The following SARM1 variants were observed in gnomAD, a reference collection of about 807,000 sequenced individuals.
SARM1 encodes the protein NAD(+) hydrolase SARM1.
Under a neutral mutation model 65.1 loss-of-function variants are expected in SARM1, and 60 were observed. The observed-to-expected ratio is 0.92, with a 90% CI of 0.75 to 1.14. SARM1 has a LOEUF of 1.14. Ranked by LOEUF, SARM1 falls within the 50% of genes most tolerant of loss-of-function variation. SARM1 has a pLI of 0.00. For synonymous variants in SARM1, 417 were observed against 465.4 expected, an observed-to-expected ratio of 0.90 and a Z score of 1.34; for missense variants, 913 against 1,015.7, an observed-to-expected ratio of 0.90 and a Z score of 1.37.
Position 28,384,467 on chromosome 17 carries a change from G to A in SARM1, c.1200G>A (p.Glu400=). 1 of 1,613,640 alleles carries A rather than the reference G, an allele frequency of 6.2e-7. No homozygotes were observed. Among genetic ancestry groups the A allele is most frequent in the Non-Finnish European group, 8.5e-7 (1 of 1,179,704 alleles). The part of the protein sequence containing the change: ...AKRALRLLGE[E]VPRPILPSVP... ...GCGCGCTGCGCCTGCTGGGCGAGGA[G>A]GTGCCACGGCCCATCCTGCCCTCCG... The change falls in exon 3 of 9, where the codon GAG becomes GAA. Residue 400 remains glutamate (E), a synonymous_variant. Transcript: ENST00000585482. The surrounding 1 kb of genome is among the most constrained non-coding windows in gnomAD (Gnocchi z 4.4).
chr17:28,381,875 G>T lies in SARM1; in HGVS notation c.1089+54G>T. The T allele has an allele frequency of 2.2e-6, 3 of 1,385,348 alleles. No individual in the cohort carries two copies. The South Asian group carries it at 5.2e-5, about 24-fold the overall frequency. 85.8% of individuals were successfully genotyped at this position (1,385,348 alleles called of 1,614,324 possible). On this transcript the variant is annotated intron_variant, in intron 2 of 8. Transcript: ENST00000585482. ...CAGGGGTTAGAGAGCCTTTGGGAAG[G>T]TTTCCCAGAGGAAGTCACATTCAAC...
At chr17:28,390,717 G>A (rs1414617963) in intron 7 of SARM1, among the ~76,000 whole-genome samples, 1 of 152,120 alleles carries the variant, frequency 6.6e-6, no homozygotes, top group Non-Finnish European at 1.5e-5. Flanking sequence ...TCAAAGGACT[G>A]GAATAATCAG....
Position 28,381,689 on chromosome 17 carries a change from C to T in SARM1, c.957C>T (p.Ser319=), listed in dbSNP as rs560006423. Residue 319 remains serine (S), a synonymous_variant, in exon 2 of 9, where the codon AGC becomes AGT. Transcript: ENST00000585482. ...ARCLVDASDT[S]QGRGPDDLQR... is the part of the protein sequence containing the mutation. ...GTCTGGTGGACGCCAGCGACACAAG[C>T]CAGGGCCGCGGGCCCGACGACCTGC... 4 of 1,561,868 alleles carry T rather than the reference C, an allele frequency of 2.6e-6. No homozygotes were observed. The highest frequency in any genetic ancestry group is 3.8e-5 in the Admixed American group (2 of 52,992).
At position 28,388,246 on chromosome 17, in the gene SARM1, ACCG is replaced by A; in HGVS notation, c.1707_1709del (p.Arg570del). On this transcript the variant is annotated inframe_deletion, in exon 6 of 9. Transcript: ENST00000585482. The stretch of plus-strand genomic sequence containing the variant: ...GACACTCCAGATGTCTTCATCAGCT[ACCG>A]CCGGAACTCAGGTTCCCAGCTGGCC... The A allele has an allele frequency of 6.4e-7, 1 of 1,552,404 alleles. No homozygotes were observed. Among genetic ancestry groups the A allele is most frequent in the Admixed American group, 2.0e-5 (1 of 51,096 alleles).
intron 7 of SARM1, chr17:28,395,609 C>A (rs1041073163): frequency 1.2e-5 from 4 of 334,330 alleles, no homozygotes; most frequent in Non-Finnish European, 2.2e-5. Context: ...ATCTAGGCTA[C>A]CCCCATAGCA....
chr17:28,384,426 T>C lies in SARM1; in HGVS notation c.1159T>C (p.Ser387Pro). 3 of 1,612,970 alleles carry C rather than the reference T, an allele frequency of 1.9e-6. No individual in the cohort carries two copies. Among genetic ancestry groups the C allele is most frequent in the Non-Finnish European group, 2.5e-6 (3 of 1,179,432 alleles). Reference sequence around the variant, plus strand: ...TTCCTACTCTACCAATGGCACTAAGTCGGCGCTGGCCAAGCGCGCGCTGCG... The same window carrying C: ...TTCCTACTCTACCAATGGCACTAAGCCGGCGCTGGCCAAGCGCGCGCTGCG... Reference protein sequence around the residue: ...LVSYSTNGTKSALAKRALRLL... With the variant: ...LVSYSTNGTKPALAKRALRLL... Residue 387 changes from serine to proline, a missense_variant, in exon 3 of 9, where the codon TCG (serine) becomes CCG (proline). Physicochemically the swap from Ser to Pro is moderately conservative, Grantham distance 74. Coordinates refer to ENST00000585482, the MANE Select transcript of SARM1 (RefSeq NM_015077.4). The surrounding 1 kb of genome is among the most constrained non-coding windows in gnomAD (Gnocchi z 4.4).
chr17:28,373,610 C>G (rs1354498132), intron 1 of SARM1: 1 of 152,136 alleles, frequency 6.6e-6, no homozygotes, highest in African/African-American at 2.4e-5. Context: ...CATCTGACAT[C>G]CGTTGCCATG....
chr17:28,390,633 T>G (rs572180368), intron 7 of SARM1, among the ~76,000 whole-genome samples: 1 of 151,998 alleles, frequency 6.6e-6, no homozygotes, highest in African/African-American at 2.4e-5. Flanking sequence ...TTATGGTTTG[T>G]AGGGCATGAC....
intron 2 of SARM1, among the ~76,000 whole-genome samples, chr17:28,382,622 C>A (rs1189800166): frequency 6.6e-6 from 1 of 152,230 alleles, no homozygotes; most frequent in Non-Finnish European, 1.5e-5. Flanking sequence ...AGGCCTCTAT[C>A]TGGGCCTCAT....
chr17:28,371,760 A>T lies in SARM1; in HGVS notation c.-273A>T. On this transcript the variant is annotated 5_prime_UTR_variant, in exon 1 of 9. Coordinates refer to ENST00000585482, the MANE Select transcript of SARM1 (RefSeq NM_015077.4). ...TTCCAGCCGCCGCCTCCTCTACCCT[A>T]CGGCGTCCGGAGCCATCCCTCGCCT... 1 of 349,160 alleles carries T rather than the reference A, an allele frequency of 2.9e-6. No individual in the cohort carries two copies. The highest frequency in any genetic ancestry group is 5.2e-6 in the Non-Finnish European group (1 of 193,322). The allele number at this position is 349,160 out of a possible 1,614,324, so 21.6% of individuals were successfully genotyped here.
intron 5 of SARM1, among the ~76,000 whole-genome samples, chr17:28,387,760 G>A (rs2068059497): frequency 6.6e-6 from 1 of 152,228 alleles, no homozygotes; most frequent in Non-Finnish European, 1.5e-5. Flanking sequence ...AAGTGCTTAG[G>A]ATGTATTTGT....
rs1555585185 is a variant in SARM1, at chr17:28,381,316, C to T, written c.584C>T (p.Ser195Leu). 3 of 1,601,434 alleles carry T rather than the reference C, an allele frequency of 1.9e-6. No homozygotes were observed. Among genetic ancestry groups the T allele is most frequent in the Admixed American group, 3.5e-5 (2 of 57,918 alleles). Reference protein sequence around the residue: ...AGILEHMFKHSEETCQRLVAA... With the variant: ...AGILEHMFKHLEETCQRLVAA... ...ATCTTGGAGCACATGTTCAAGCATT[C>T]GGAGGAGACATGCCAGAGGCTGGTG... The change falls in exon 2 of 9, where the codon TCG (serine) becomes TTG (leucine). Residue 195 changes from serine (S) to leucine (L), a missense_variant. Physicochemically the swap from Ser to Leu is moderately radical, Grantham distance 145. Coordinates refer to ENST00000585482, the MANE Select transcript of SARM1 (RefSeq NM_015077.4).
At position 28,375,459 on chromosome 17, in the gene SARM1, T is replaced by A. The variant is rs11871069; in HGVS notation, c.470+2957T>A. Among the ~76,000 whole-genome samples the A allele has an allele frequency of 2.2e-3, 331 of 151,960 alleles. 4 individuals are homozygous for A. Among genetic ancestry groups the A allele is most frequent in the African/African-American group, 7.7e-3 (319 of 41,420 alleles). On this transcript the variant is annotated intron_variant, in intron 1 of 8. Transcript: ENST00000585482. ...TAAAAATACAAAAAATTAGCCGGGCTTGATGACGTGTGCCTGTAATCCCAG... is the reference window on the plus strand; with the variant it reads ...TAAAAATACAAAAAATTAGCCGGGCATGATGACGTGTGCCTGTAATCCCAG...
Position 28,385,523 on chromosome 17 carries a change from AG to A in SARM1, c.1630+249del. The A allele has an allele frequency of 1.9e-6, 1 of 539,380 alleles. No homozygotes were observed. 33.4% of individuals were successfully genotyped at this position (539,380 alleles called of 1,614,324 possible). A position where few individuals can be genotyped will look rare whatever the true frequency, so the allele number is the denominator to read the frequency against. ...AAACAGGCAAGCGGCCCCGGCAGGA[AG>A]CTACCCAGGTCTCCAGTGGGAGCAC... On this transcript the variant is annotated intron_variant, in intron 5 of 8. Transcript: ENST00000585482. The surrounding 1 kb of genome is among the most constrained non-coding windows in gnomAD (Gnocchi z 4.5).
At chr17:28,377,503 C>G (rs1555584751) in intron 1 of SARM1, among the ~76,000 whole-genome samples, 3 of 152,212 alleles carry the variant, frequency 2.0e-5, no homozygotes, top group African/African-American at 7.2e-5. Context: ...ACTCAGGTGG[C>G]TGAGTTGGGA....
rs1555585286 is a variant in SARM1, at chr17:28,381,592, T to C, written c.860T>C (p.Val287Ala). The C allele has an allele frequency of 3.1e-6, 5 of 1,589,328 alleles. No individual in the cohort carries two copies. Among genetic ancestry groups the C allele is most frequent in the Non-Finnish European group, 4.3e-6 (5 of 1,169,056 alleles). The change falls in exon 2 of 9, where the codon GTG becomes GCG. Residue 287 changes from valine (V) to alanine (A), a missense_variant. Transcript: ENST00000585482. Reference sequence around the variant, plus strand: ...ACTAACAAGGAGGTGGAGCGCGAGGTGGAGCGCTCGGGCACGCTGGCGCTC... The same window carrying C: ...ACTAACAAGGAGGTGGAGCGCGAGGCGGAGCGCTCGGGCACGCTGGCGCTC... ...LATNKEVERE[V>A]ERSGTLALVE...
rs925447520 is a variant in SARM1 at position 28,391,381 on chromosome 17, G to A, written c.1923+2842G>A. Among the ~76,000 whole-genome samples the A allele has an allele frequency of 3.3e-5, 5 of 152,284 alleles. No individual in the cohort carries two copies. The Middle Eastern group carries it at 0.01, about 311-fold the overall frequency. ...TGTGCTTAAAGCACTGGAAATCAAG[G>A]AGCCCATGAAGGAGAAGATGCCAGG... On this transcript the variant is annotated intron_variant, in intron 7 of 8. Transcript: ENST00000585482.
At position 28,395,815 on chromosome 17, in the gene SARM1, T is replaced by G. The variant is rs1291947916; in HGVS notation, c.1924-90T>G. ...CTGGTGTCCTGCCCTGGGCCCAGCC[T>G]CGGGCCAGTGGGCCTCCCAGCACCT... On this transcript the variant is annotated intron_variant, in intron 7 of 8. Coordinates refer to ENST00000585482, the MANE Select transcript of SARM1 (RefSeq NM_015077.4). 11 of 1,505,076 alleles carry G rather than the reference T, an allele frequency of 7.3e-6. No individual in the cohort carries two copies. The African/African-American group carries it at 8.2e-5, about 11-fold the overall frequency. The allele number at this position is 1,505,076 out of a possible 1,614,324, so 93.2% of individuals were successfully genotyped here.
intron 2 of SARM1, among the ~76,000 whole-genome samples, chr17:28,383,678 G>T (rs923973636): frequency 1.3e-5 from 2 of 152,198 alleles, no homozygotes; most frequent in African/African-American, 4.8e-5. Flanking sequence ...GTCCTTCATC[G>T]TGCCAGATGC....
Sources: gnomAD v4.1 joint callset for allele counts (sites outside exome capture counted in the v4.1 genomes callset) on GRCh38, gnomAD v4.1.1 for gene constraint, Gnocchi (gnomAD v3.1) non-coding constraint, MANE v1.5 for transcripts, NCBI Gene and HGNC (gene_info 2026-07-23, HGNC 2026-07-21) for gene names.